The following ZMYND8 variants were observed in gnomAD, a reference collection of about 807,000 sequenced individuals.
ZMYND8 encodes MYND-type zinc finger-containing chromatin reader ZMYND8.
Under a neutral mutation model 140.8 loss-of-function variants are expected in ZMYND8, and 37 were observed. The observed-to-expected ratio is 0.26, with a 90% confidence interval of 0.20 to 0.35. ZMYND8 has a LOEUF of 0.35. Ranked by LOEUF, ZMYND8 falls within the 10% of genes least tolerant of loss-of-function variation. The pLI, the probability that ZMYND8 is intolerant of heterozygous loss-of-function variation, is 1.00. For missense variants in ZMYND8, 1,068 were observed against 1,570.0 expected (o/e 0.68, Z 5.40); for synonymous variants, 592 against 597.1 (o/e 0.99, Z 0.12).
intron 10 of ZMYND8, among the ~76,000 whole-genome samples, chr20:47,278,433 G>A (rs1418144007): frequency 1.3e-5 from 2 of 152,216 alleles, no homozygotes; most frequent in Admixed American, 1.3e-4. Context: ...AAGCAACCAT[G>A]TAGGAATCTG....
At position 47,298,085 on chromosome 20, in the gene ZMYND8, C is replaced by T. The variant is rs1279757383; in HGVS notation, c.453+644G>A. Among the ~76,000 whole-genome samples, 1 of 152,166 alleles carries T rather than the reference C, an allele frequency of 6.6e-6. No homozygotes were observed. Among genetic ancestry groups the T allele is most frequent in the Non-Finnish European group, 1.5e-5 (1 of 68,030 alleles). On this transcript the variant is annotated intron_variant, in intron 4 of 22. Coordinates refer to ENST00000471951, the MANE Select transcript of ZMYND8 (RefSeq NM_001281775.3). The surrounding 1 kb of genome is among the most constrained non-coding windows in gnomAD (Gnocchi z 5.0). ...TGAAAACACCTTGCACTCCCTTGGA[C>T]CTCCTATTCCCATCCTGAATTTGTT...
In ZMYND8 at chr20:47,322,438, C is replaced by CTT. The variant is rs1166725847; in HGVS notation, c.86-12236_86-12235dup. Among the ~76,000 whole-genome samples, 294 of 120,756 alleles carry CTT rather than the reference C, an allele frequency of 2.4e-3. 2 individuals are homozygous for CTT. Among genetic ancestry groups the CTT allele is most frequent in the African/African-American group, 8.5e-3 (274 of 32,140 alleles). The allele number at this position is 120,756 out of a possible 152,430, so 79.2% of individuals were successfully genotyped here. A position where few individuals can be genotyped will look rare whatever the true frequency, so the allele number is the denominator to read the frequency against. Reference sequence around the variant, plus strand: ...ATCCCAAGAGGTTGGGATGGCATTTCTTTTTTTTTTTTTTTTTTTTCAGCA... The same window carrying CTT: ...ATCCCAAGAGGTTGGGATGGCATTTCTTTTTTTTTTTTTTTTTTTTTTCAGCA... On this transcript the variant is annotated intron_variant, in intron 2 of 22. Transcript: ENST00000471951.
At chr20:47,308,219 G>GTTT (rs1330667811) in intron 3 of ZMYND8, among the ~76,000 whole-genome samples, 3 of 128,734 alleles carry the variant, frequency 2.3e-5, no homozygotes, top group African/African-American at 5.9e-5. Context: ...TGGACGTGAG[G>GTTT]TTTTTTTTTT....
intron 1 of ZMYND8, among the ~76,000 whole-genome samples, chr20:47,350,606 T>G (rs1053192962): frequency 1.3e-5 from 2 of 152,138 alleles, no homozygotes; most frequent in African/African-American, 4.8e-5. Flanking sequence ...GGTTAAGAAC[T>G]GTTCAGTCAT....
At chr20:47,232,896 T>TG (rs2038708962) in intron 16 of ZMYND8, among the ~76,000 whole-genome samples, 2 of 63,124 alleles carry the variant, frequency 3.2e-5, no homozygotes, top group African/African-American at 1.4e-4. Context: ...TGTTTTTTTT[T>TG]GTTTTTTTTG....
At chr20:47,344,224 C>A (rs190373056) in intron 2 of ZMYND8, among the ~76,000 whole-genome samples, 6 of 152,040 alleles carry the variant, frequency 3.9e-5, no homozygotes, top group African/African-American at 7.2e-5. Flanking sequence ...ATGATCCCCC[C>A]ACCTTGGCCT....
At chr20:47,331,536 A>C (rs1601998961) in intron 2 of ZMYND8, among the ~76,000 whole-genome samples, 1 of 152,142 alleles carries the variant, frequency 6.6e-6, no homozygotes, top group East Asian at 1.9e-4. Context: ...TGGAAACATA[A>C]ATGTCTGAGT....
At chr20:47,261,507 C>A (rs1210878672) in intron 12 of ZMYND8, among the ~76,000 whole-genome samples, 1 of 152,018 alleles carries the variant, frequency 6.6e-6, no homozygotes, top group East Asian at 1.9e-4. Flanking sequence ...CACTGCACTC[C>A]AGCCTGGGTG....
intron 14 of ZMYND8, among the ~76,000 whole-genome samples, chr20:47,241,162 G>A (rs1447160274): frequency 1.3e-5 from 2 of 151,868 alleles, no homozygotes; most frequent in Non-Finnish European, 1.5e-5. Context: ...GGGCATGGTG[G>A]TGTGTGCCTA....
In ZMYND8 at chr20:47,298,753, C is replaced by A; in HGVS notation, c.429G>T (p.Gly143=). The stretch of plus-strand genomic sequence containing the variant: ...CCTCACATTCAGGACAAAACCAGTC[C>A]CCCTCTGGTTCCGATGTCAGTCTCA... ...KCLRLTSEPE[G]DWFCPECEKI... is the part of the protein sequence containing the mutation. Residue 143 remains glycine (G), a synonymous_variant, in exon 4 of 23, where the codon GGG becomes GGT. Coordinates refer to ENST00000471951, the MANE Select transcript of ZMYND8 (RefSeq NM_001281775.3). This position sits in a 1 kb window ranked among gnomAD's most constrained non-coding sequence, Gnocchi z 5.0. The A allele has an allele frequency of 1.4e-5, 23 of 1,613,606 alleles. No homozygotes were observed. The highest frequency in any genetic ancestry group is 1.9e-5 in the Non-Finnish European group (23 of 1,179,814).
In ZMYND8 at chr20:47,312,425, G is replaced by A. The variant is rs148177137; in HGVS notation, c.86-2221C>T. On this transcript the variant is annotated intron_variant, in intron 2 of 22. Transcript: ENST00000471951. ...GGGCTGCGTGGAGACCCAGTCATGAGTGGAAATTAAATGCTAACAACAGGT... is the reference window on the plus strand; with the variant it reads ...GGGCTGCGTGGAGACCCAGTCATGAATGGAAATTAAATGCTAACAACAGGT... Among the ~76,000 whole-genome samples, 856 of 152,276 alleles carry A rather than the reference G, an allele frequency of 5.6e-3. 6 individuals are homozygous for A. Among genetic ancestry groups the A allele is most frequent in the African/African-American group, 0.02 (824 of 41,550 alleles).
intron 1 of ZMYND8, chr20:47,354,628 C>T (rs75527626): frequency 1.3e-5 from 2 of 152,228 alleles, no homozygotes; most frequent in African/African-American, 4.8e-5. Flanking sequence ...AATTCGGTGT[C>T]AGAAAGTGGG....
chr20:47,242,513 G>A (rs915189171), intron 14 of ZMYND8, among the ~76,000 whole-genome samples: 5 of 152,350 alleles, frequency 3.3e-5, no homozygotes, highest in Admixed American at 2.6e-4. Flanking sequence ...TCTAACCCAC[G>A]TAAGTGCCTT....
intron 8 of ZMYND8, among the ~76,000 whole-genome samples, chr20:47,285,181 C>T (rs1032969244): frequency 2.6e-5 from 4 of 152,172 alleles, no homozygotes; most frequent in African/African-American, 9.7e-5. Context: ...CCCAGGTAGT[C>T]GGGCTCCAAA....
intron 8 of ZMYND8, chr20:47,285,780 T>C (rs1182868242): frequency 1.0e-6 from 1 of 984,942 alleles, no homozygotes; most frequent in Non-Finnish European, 1.2e-6. Flanking sequence ...TTGTATGTAA[T>C]ACTATACAGC....
intron 2 of ZMYND8, among the ~76,000 whole-genome samples, chr20:47,341,960 G>A (rs1350321188): frequency 6.6e-6 from 1 of 151,224 alleles, no homozygotes; most frequent in African/African-American, 2.4e-5. Context: ...CGGAGATCGC[G>A]CCACTGCACT....
In ZMYND8 at chr20:47,246,520, A is replaced by G; in HGVS notation, c.1775-3T>C. On this transcript the variant is annotated splice_polypyrimidine_tract_variant and splice_region_variant and intron_variant, in intron 13 of 22. Transcript: ENST00000471951. ...ATCTTCCGAGATTTCATTTATGCCT[A>G]AATTCAAAAAGAAAACCCAGCATGT... The G allele has an allele frequency of 6.4e-7, 1 of 1,560,946 alleles. No homozygotes were observed. Among genetic ancestry groups the G allele is most frequent in the South Asian group, 1.2e-5 (1 of 84,436 alleles).
chr20:47,330,056 G>C (rs2080805417), intron 2 of ZMYND8, among the ~76,000 whole-genome samples: 1 of 152,170 alleles, frequency 6.6e-6, no homozygotes, highest in African/African-American at 2.4e-5. Flanking sequence ...TTCTCTGTGG[G>C]AGACTGTAAA....
At chr20:47,264,869 T>C (rs539590995) in intron 11 of ZMYND8, among the ~76,000 whole-genome samples, 230 of 151,990 alleles carry the variant, frequency 1.5e-3, no homozygotes, top group African/African-American at 5.4e-3. Flanking sequence ...GCCTCATCTC[T>C]ACTAAAAATA....
Sources: allele counts gnomAD v4.1 joint callset (sites outside exome capture counted in the v4.1 genomes callset), GRCh38; gene constraint gnomAD v4.1.1; non-coding constraint Gnocchi (gnomAD v3.1); transcripts MANE v1.5; gene names NCBI Gene and HGNC (gene_info 2026-07-23, HGNC 2026-07-21).